The following KCNMA1 variants were observed in gnomAD, a reference collection of about 807,000 sequenced individuals.
KCNMA1 encodes the protein potassium calcium-activated channel subfamily M alpha 1.
KCNMA1 carries 29 observed loss-of-function variants against 140.0 expected under a neutral mutation model. That is an observed-to-expected ratio of 0.21 (90% CI 0.15 to 0.28). The LOEUF (loss-of-function observed/expected upper bound fraction) is 0.28, where lower values mean the gene tolerates loss of function less well. Among genes scored for constraint, KCNMA1 ranks in the 10% least tolerant of loss-of-function variants. KCNMA1 has a pLI of 1.00. For synonymous variants in KCNMA1, 612 were observed against 611.9 expected, an observed-to-expected ratio of 1.00 and a Z score of 0.00; for missense variants, 880 against 1,602.2, an observed-to-expected ratio of 0.55 and a Z score of 7.70.
At chr10:77,583,977 C>A (rs1263905013) in intron 1 of KCNMA1, among the ~76,000 whole-genome samples, 2 of 152,226 alleles carry the variant, frequency 1.3e-5, no homozygotes, top group Non-Finnish European at 1.5e-5. Flanking sequence ...ACACAAGAGA[C>A]AGATTGCAGG....
intron 14 of KCNMA1, among the ~76,000 whole-genome samples, chr10:77,067,560 T>A (rs1394093054): frequency 2.6e-5 from 4 of 152,188 alleles, no homozygotes; most frequent in African/African-American, 4.8e-5. Context: ...CCTAATATAC[T>A]TACTTTGTCC....
intron 2 of KCNMA1, among the ~76,000 whole-genome samples, chr10:77,286,582 C>T (rs1408870272): frequency 6.6e-6 from 1 of 152,134 alleles, no homozygotes; most frequent in Non-Finnish European, 1.5e-5. Context: ...CCTAAGAATA[C>T]TTCCAAAATT....
intron 2 of KCNMA1, among the ~76,000 whole-genome samples, chr10:77,322,570 G>A (rs2082673126): frequency 6.6e-6 from 1 of 152,192 alleles, no homozygotes; most frequent in African/African-American, 2.4e-5. Flanking sequence ...GAAGAAAAGA[G>A]TGGACTGGAG....
At chr10:77,097,376 G>T (rs2096960134) in intron 9 of KCNMA1, among the ~76,000 whole-genome samples, 1 of 152,176 alleles carries the variant, frequency 6.6e-6, no homozygotes, top group Non-Finnish European at 1.5e-5. Context: ...AGGCTGTGCT[G>T]CCTCATCCCT....
At chr10:77,009,015 T>C (rs1352648824) in intron 18 of KCNMA1, among the ~76,000 whole-genome samples, 1 of 152,230 alleles carries the variant, frequency 6.6e-6, no homozygotes, top group African/African-American at 2.4e-5. Context: ...CACACACATC[T>C]GCATCCTGCC....
intron 19 of KCNMA1, among the ~76,000 whole-genome samples, chr10:76,992,654 G>A (rs1217048469): frequency 6.6e-6 from 1 of 152,138 alleles, no homozygotes; most frequent in African/African-American, 2.4e-5. Context: ...GGGAACCCAG[G>A]ACTCAAGTGC....
chr10:77,601,047 G>A (rs943090452), intron 1 of KCNMA1, among the ~76,000 whole-genome samples: 6 of 152,194 alleles, frequency 3.9e-5, no homozygotes, highest in Admixed American at 2.6e-4. Context: ...TCTCATCTGC[G>A]AAGCAAAAGA....
At chr10:77,352,378 T>G (rs1671591828) in intron 2 of KCNMA1, among the ~76,000 whole-genome samples, 1 of 152,232 alleles carries the variant, frequency 6.6e-6, no homozygotes, top group Admixed American at 6.5e-5. Context: ...CCCATTCCCG[T>G]TCCCTTTCCC....
chr10:77,579,181 G>A (rs1352090488), intron 1 of KCNMA1, among the ~76,000 whole-genome samples: 1 of 152,234 alleles, frequency 6.6e-6, no homozygotes, highest in Non-Finnish European at 1.5e-5. Flanking sequence ...AGAAGAGAAG[G>A]GGCAAAGCAC....
chr10:76,992,599 C>T (rs147799954), intron 19 of KCNMA1, among the ~76,000 whole-genome samples: 1 of 152,284 alleles, frequency 6.6e-6, no homozygotes, highest in Non-Finnish European at 1.5e-5. Flanking sequence ...CCACATTGCA[C>T]TTCCAGAAGT....
intron 3 of KCNMA1, among the ~76,000 whole-genome samples, chr10:77,218,701 T>C (rs1023294218): frequency 1.3e-5 from 2 of 152,282 alleles, no homozygotes; most frequent in South Asian, 4.2e-4. Flanking sequence ...TTTATTTATT[T>C]ATTGAGACAG....
chr10:77,311,929 C>G (rs2079421822), intron 2 of KCNMA1, among the ~76,000 whole-genome samples: 1 of 152,242 alleles, frequency 6.6e-6, no homozygotes. Context: ...CTGGGGCTCA[C>G]ACAAGCCATC....
chr10:77,082,007 CTTTTT>C (rs201288668), intron 12 of KCNMA1, among the ~76,000 whole-genome samples: 1 of 32,492 alleles, frequency 3.1e-5, no homozygotes, highest in Non-Finnish European at 5.4e-5. Context: ...TTTTTCTTTT[CTTTTT>C]TTTTTTTTTT....
rs1479137815 is a variant in KCNMA1, at chr10:76,884,911, A to AAAG, written c.*2352_*2354dup. 1.4e-6 allele frequency: 2 copies of AAAG among 1,461,238 alleles called. No homozygotes were observed. The highest frequency in any genetic ancestry group is 5.3e-5 in the East Asian group (2 of 37,968). 90.5% of individuals were successfully genotyped at this position (1,461,238 alleles called of 1,614,324 possible). ...TAACTCCTTTTTTTTTAATTTCACA[A>AAAG]AAGTTTTCACAAGGACAACGTTATA... On this transcript the variant is annotated 3_prime_UTR_variant, in exon 28 of 28. Transcript: ENST00000286628.
At chr10:76,996,704 T>C (rs2084481075) in intron 19 of KCNMA1, among the ~76,000 whole-genome samples, 1 of 152,090 alleles carries the variant, frequency 6.6e-6, no homozygotes, top group South Asian at 2.1e-4. Flanking sequence ...AACTAATACA[T>C]GAAAAACTAT....
At chr10:77,424,904 G>A (rs1347443148) in intron 1 of KCNMA1, among the ~76,000 whole-genome samples, 1 of 152,220 alleles carries the variant, frequency 6.6e-6, no homozygotes, top group Non-Finnish European at 1.5e-5. Context: ...GCTATTTGCT[G>A]ATTTATTTGT....
intron 2 of KCNMA1, among the ~76,000 whole-genome samples, chr10:77,356,454 A>G (rs1291414330): frequency 6.6e-6 from 1 of 152,244 alleles, no homozygotes; most frequent in African/African-American, 2.4e-5. Flanking sequence ...TACAGTTGGA[A>G]AAGTGTGGGC....
At chr10:77,337,592 C>A (rs2089572152) in intron 2 of KCNMA1, among the ~76,000 whole-genome samples, 1 of 152,158 alleles carries the variant, frequency 6.6e-6, no homozygotes, top group Non-Finnish European at 1.5e-5. Flanking sequence ...TGCACTCCAG[C>A]CTGGGTGACA....
chr10:77,120,036 A>G (rs2097561596), intron 6 of KCNMA1, among the ~76,000 whole-genome samples: 2 of 152,222 alleles, frequency 1.3e-5, no homozygotes, highest in Non-Finnish European at 2.9e-5. Context: ...GCTGAATCTA[A>G]TCCTCAAAAC....
Sources: allele counts gnomAD v4.1 joint callset (sites outside exome capture counted in the v4.1 genomes callset), GRCh38; gene constraint gnomAD v4.1.1; transcripts MANE v1.5; gene names NCBI Gene and HGNC (gene_info 2026-07-23, HGNC 2026-07-21).